Variants in MECOM observed in about 807,000 individuals in gnomAD.
MECOM encodes the protein MDS1 and EVI1 complex locus, also known as histone-lysine N-methyltransferase MECOM.
MECOM carries 13 observed loss-of-function variants against 116.3 expected under a neutral mutation model. That is an observed-to-expected ratio of 0.11 (90% CI 0.07 to 0.18). The LOEUF is 0.18. Ranked by LOEUF, MECOM falls within the 10% of genes least tolerant of loss-of-function variation. MECOM has a pLI of 1.00. For synonymous variants in MECOM, 528 were observed against 535.2 expected, an observed-to-expected ratio of 0.99 and a Z score of 0.19; for missense variants, 1,299 against 1,509.0, an observed-to-expected ratio of 0.86 and a Z score of 2.31.
chr3:169,209,194 T>C (rs1440994095), intron 2 of MECOM, among the ~76,000 whole-genome samples: 1 of 151,126 alleles, frequency 6.6e-6, no homozygotes, highest in Non-Finnish European at 1.5e-5. Flanking sequence ...TGAATTACAC[T>C]AAAATTAACT....
Position 169,180,793 on chromosome 3 carries a change from TGATATA to T in MECOM, c.376-36967_376-36962del, listed in dbSNP as rs899358230. 7.3e-4 allele frequency among the ~76,000 whole-genome samples: 52 copies of T among 71,218 alleles called. 2 individuals are homozygous for T. Among genetic ancestry groups the T allele is most frequent in the African/African-American group, 2.8e-3 (44 of 15,604 alleles). The allele number at this position is 71,218 out of a possible 152,430, so 46.7% of individuals were successfully genotyped here. On this transcript the variant is annotated intron_variant, in intron 2 of 16. Coordinates refer to ENST00000651503, the MANE Select transcript of MECOM (RefSeq NM_004991.4). ...TTATGTATGTGTGTGTGTGTGGAGA[TGATATA>T]TATATATATATATATCAGGCTGTGT...
At chr3:169,280,930 A>G (rs531058706) in intron 2 of MECOM, among the ~76,000 whole-genome samples, 1 of 152,228 alleles carries the variant, frequency 6.6e-6, no homozygotes, top group Non-Finnish European at 1.5e-5. Context: ...AAGTTTAGAA[A>G]GGAGAATGAC....
At chr3:169,159,970 A>G (rs1028973355) in intron 2 of MECOM, among the ~76,000 whole-genome samples, 2 of 152,218 alleles carry the variant, frequency 1.3e-5, no homozygotes, top group African/African-American at 2.4e-5. Flanking sequence ...CCTAATAAGC[A>G]TGAGCTATTT....
chr3:169,123,288 T>C (rs973557705), intron 5 of MECOM, among the ~76,000 whole-genome samples: 4 of 148,418 alleles, frequency 2.7e-5, no homozygotes, highest in Admixed American at 1.4e-4. Context: ...GACTGATGCA[T>C]GGATATATGC....
chr3:169,619,103 C>A (rs928540357), intron 1 of MECOM, among the ~76,000 whole-genome samples: 23 of 152,106 alleles, frequency 1.5e-4, no homozygotes, highest in African/African-American at 4.6e-4. Flanking sequence ...AACTGGCCTG[C>A]AAAATATGGT....
At chr3:169,355,105 T>C (rs982464157) in intron 2 of MECOM, among the ~76,000 whole-genome samples, 8 of 151,952 alleles carry the variant, frequency 5.3e-5, no homozygotes, top group African/African-American at 1.9e-4. Context: ...GGAAGCCACT[T>C]AATGGCTCAC....
rs79362048 is a variant in MECOM at position 169,142,137 on chromosome 3, C to T, written c.510+1561G>A. 1.2e-3 allele frequency among the ~76,000 whole-genome samples: 181 copies of T among 151,886 alleles called. 1 individual carries two copies. The highest frequency in any genetic ancestry group is 4.2e-3 in the African/African-American group (173 of 41,502). On this transcript the variant is annotated intron_variant, in intron 3 of 16. Transcript: ENST00000651503. ...CCCTTTGCAATCAAGATTCCCAATA[C>T]GAGTACATTTATTATAAAACACTAC...
At chr3:169,567,467 C>T (rs1763374603) in intron 1 of MECOM, among the ~76,000 whole-genome samples, 1 of 152,126 alleles carries the variant, frequency 6.6e-6, no homozygotes, top group South Asian at 2.1e-4. Flanking sequence ...TTACTTTAGC[C>T]ACTAATATAT....
At chr3:169,171,763 G>T (rs1744441336) in intron 2 of MECOM, among the ~76,000 whole-genome samples, 1 of 152,046 alleles carries the variant, frequency 6.6e-6, no homozygotes, top group Non-Finnish European at 1.5e-5. Flanking sequence ...ACCACAAAGA[G>T]AAACAGGAAA....
intron 2 of MECOM, among the ~76,000 whole-genome samples, chr3:169,353,698 A>C (rs993780246): frequency 2.0e-5 from 3 of 151,922 alleles, no homozygotes; most frequent in African/African-American, 4.8e-5. Flanking sequence ...CTAATCATGA[A>C]GATAACCTTA....
At chr3:169,104,343 A>G (rs562426993) in intron 10 of MECOM, among the ~76,000 whole-genome samples, 30 of 152,310 alleles carry the variant, frequency 2.0e-4, no homozygotes, top group African/African-American at 6.7e-4. Context: ...GAAATATTTT[A>G]TGATACTCTT....
At chr3:169,616,448 C>T (rs1360593585) in intron 1 of MECOM, among the ~76,000 whole-genome samples, 6 of 152,182 alleles carry the variant, frequency 3.9e-5, no homozygotes, top group South Asian at 2.1e-4. Flanking sequence ...TGGGTTCAAG[C>T]GACTGTCCTG....
chr3:169,243,908 C>G (rs918990936), intron 2 of MECOM, among the ~76,000 whole-genome samples: 1 of 152,180 alleles, frequency 6.6e-6, no homozygotes, highest in Non-Finnish European at 1.5e-5. Context: ...CCTGACAGGC[C>G]TAACCCTCAA....
intron 1 of MECOM, among the ~76,000 whole-genome samples, chr3:169,466,135 C>A (rs552541313): frequency 6.6e-6 from 1 of 152,180 alleles, no homozygotes. Flanking sequence ...GAATCCCTGG[C>A]CATCCGTTAC....
intron 2 of MECOM, among the ~76,000 whole-genome samples, chr3:169,343,541 G>A (rs913211916): frequency 3.9e-5 from 6 of 151,942 alleles, no homozygotes; most frequent in African/African-American, 1.4e-4. Flanking sequence ...TTTTAAAAAA[G>A]AAAAAAAGTC....
Position 169,223,290 on chromosome 3 carries a change from C to A in MECOM, c.376-79458G>T, listed in dbSNP as rs1301226548. The stretch of plus-strand genomic sequence containing the variant: ...CTATCCCTCCCCCCTCCCCCCTCCC[C>A]CCACCCCACAACAGGCCCCATTGTG... On this transcript the variant is annotated intron_variant, in intron 2 of 16. Transcript: ENST00000651503. Among the ~76,000 whole-genome samples, 288 of 100,536 alleles carry A rather than the reference C, an allele frequency of 2.9e-3. 2 individuals are homozygous for A. The highest frequency in any genetic ancestry group is 7.5e-3 in the African/African-American group (199 of 26,402). The allele number at this position is 100,536 out of a possible 152,430, so 66.0% of individuals were successfully genotyped here. A position where few individuals can be genotyped will look rare whatever the true frequency, so the allele number is the denominator to read the frequency against.
rs1729212567 is a variant in MECOM, at chr3:169,116,522, A to G, written c.1350T>C (p.Ala450=). The G allele has an allele frequency of 1.2e-6, 2 of 1,614,086 alleles. No homozygotes were observed. ...TATTAACCATGGACGTTTTATCCAT[A>G]GCTGGGGTTCCAGGAAGTGAAATGC... is the stretch of plus-strand genomic sequence containing the variant. The part of the protein sequence containing the change: ...GQGISLPGTP[A]MDKTSMVNMS... Residue 450 remains alanine (A), a synonymous_variant, in exon 8 of 17, where the codon GCT becomes GCC. Coordinates refer to ENST00000651503, the MANE Select transcript of MECOM (RefSeq NM_004991.4).
At chr3:169,662,451 A>G (rs1376334461) in intron 1 of MECOM, among the ~76,000 whole-genome samples, 3 of 150,990 alleles carry the variant, frequency 2.0e-5, no homozygotes, top group Non-Finnish European at 4.4e-5. Flanking sequence ...TGTGCCCTCC[A>G]CTCCCGGCTC....
intron 2 of MECOM, among the ~76,000 whole-genome samples, chr3:169,338,657 A>C (rs563412881): frequency 1.3e-5 from 2 of 151,398 alleles, no homozygotes; most frequent in East Asian, 3.9e-4. Flanking sequence ...GCTGCAAGAA[A>C]AGGAGAGTAA....
Sources: allele counts gnomAD v4.1 joint callset (sites outside exome capture counted in the v4.1 genomes callset), GRCh38; gene constraint gnomAD v4.1.1; transcripts MANE v1.5; gene names NCBI Gene and HGNC (gene_info 2026-07-23, HGNC 2026-07-21).